The following AGBL1 variants were observed in gnomAD, a reference collection of about 807,000 sequenced individuals.
The protein encoded by AGBL1 is cytosolic carboxypeptidase 4.
Under a neutral mutation model 118.9 loss-of-function variants are expected in AGBL1, and 130 were observed. The ratio of observed to expected loss-of-function variants is 1.09; its 90% CI spans 0.95 to 1.26. The LOEUF (loss-of-function observed/expected upper bound fraction) is 1.26, where lower values mean the gene tolerates loss of function less well. AGBL1 is among the 50% of genes most tolerant of loss of function. AGBL1 has a pLI of 0.00. For synonymous variants in AGBL1, 555 were observed against 478.9 expected (o/e 1.16, Z -2.08); for missense variants, 1,584 against 1,298.1 (o/e 1.22, Z -3.38).
chr15:86,367,950 T>C (rs975012956), intron 17 of AGBL1, among the ~76,000 whole-genome samples: 2 of 152,144 alleles, frequency 1.3e-5, no homozygotes, highest in South Asian at 4.1e-4. Flanking sequence ...AGGCTATTTC[T>C]GCTAAAACTA....
Position 86,264,124 on chromosome 15 carries a change from TGAC to T in AGBL1, c.1087-133_1087-131del, listed in dbSNP as rs1464413273. 6 of 744,766 alleles carry T rather than the reference TGAC, an allele frequency of 8.1e-6. No homozygotes were observed. The Admixed American group carries it at 9.0e-5, about 11-fold the overall frequency. The allele number at this position is 744,766 out of a possible 1,614,324, so 46.1% of individuals were successfully genotyped here. A position where few individuals can be genotyped will look rare whatever the true frequency, so the allele number is the denominator to read the frequency against. On this transcript the variant is annotated intron_variant, in intron 10 of 22. Transcript: ENST00000614907. ...TGACTCTTGAAGGTTAGTCTTTAGT[TGAC>T]CTTGGAAAAAGCTTCCACATTCACA...
In AGBL1 at chr15:87,001,665, C is replaced by T. The variant is rs192948757; in HGVS notation, c.3323+13577C>T. 4.3e-3 allele frequency among the ~76,000 whole-genome samples: 660 copies of T among 152,026 alleles called. 5 individuals are homozygous for T. Among genetic ancestry groups the T allele is most frequent in the Middle Eastern group, 0.014 (4 of 294 alleles). On this transcript the variant is annotated intron_variant, in intron 24 of 24. Coordinates refer to the AGBL1 transcript ENST00000441037. ...TGTTGTTTCCTGACTTTTTAATGATCGCCATTCTAACTGGTGGGAGATGAT... is the reference window on the plus strand; with the variant it reads ...TGTTGTTTCCTGACTTTTTAATGATTGCCATTCTAACTGGTGGGAGATGAT...
chr15:86,257,533 C>T (rs1355365401), intron 8 of AGBL1, among the ~76,000 whole-genome samples: 2 of 152,174 alleles, frequency 1.3e-5, no homozygotes, highest in African/African-American at 2.4e-5. Flanking sequence ...GTACAAGATG[C>T]CTTCTATGGA....
chr15:86,480,753 A>G (rs138984696), intron 18 of AGBL1, among the ~76,000 whole-genome samples: 277 of 152,166 alleles, frequency 1.8e-3, no homozygotes, highest in Non-Finnish European at 3.2e-3. Flanking sequence ...TATGGCAAAG[A>G]GATTGCCCTC....
intron 22 of AGBL1, among the ~76,000 whole-genome samples, chr15:86,760,738 A>G (rs1334582290): frequency 6.6e-6 from 1 of 152,068 alleles, no homozygotes; most frequent in Non-Finnish European, 1.5e-5. Flanking sequence ...CTTCATTATC[A>G]TAACTTCCTG....
rs908463226 is a variant in AGBL1, at chr15:86,912,756, G to C, written c.*5462G>C. 1 of 151,890 alleles carries C rather than the reference G, an allele frequency of 6.6e-6. No homozygotes were observed. Among genetic ancestry groups the C allele is most frequent in the African/African-American group, 2.4e-5 (1 of 41,396 alleles). 9.4% of individuals were successfully genotyped at this position (151,890 alleles called of 1,614,324 possible). Reference sequence around the variant, plus strand: ...ATCCTTGTTAGGGCCACAGAAGAATGACTCGCATGGTGGATCTCAGCATTT... The same window carrying C: ...ATCCTTGTTAGGGCCACAGAAGAATCACTCGCATGGTGGATCTCAGCATTT... On this transcript the variant is annotated 3_prime_UTR_variant, in exon 23 of 23. Coordinates refer to ENST00000614907, the MANE Select transcript of AGBL1 (RefSeq NM_001386094.1).
intron 21 of AGBL1, among the ~76,000 whole-genome samples, chr15:86,660,748 T>C (rs1167458484): frequency 6.6e-6 from 1 of 152,150 alleles, no homozygotes; most frequent in East Asian, 1.9e-4. Flanking sequence ...TATATGGCTT[T>C]TGGTCAGATA....
intron 7 of AGBL1, among the ~76,000 whole-genome samples, chr15:86,253,136 G>A (rs771131905): frequency 6.6e-6 from 1 of 152,194 alleles, no homozygotes; most frequent in African/African-American, 2.4e-5. Context: ...ACATGGCAGA[G>A]CATTGTGAGT....
chr15:86,739,443 CAAAA>C (rs34530266), intron 22 of AGBL1, among the ~76,000 whole-genome samples: 2 of 66,638 alleles, frequency 3.0e-5, no homozygotes, highest in Non-Finnish European at 2.5e-5. Flanking sequence ...AACTCCATCT[CAAAA>C]AAAAAAAAAA....
intron 1 of AGBL1, among the ~76,000 whole-genome samples, chr15:86,125,990 A>T (rs886648200): frequency 4.6e-5 from 7 of 152,076 alleles, no homozygotes; most frequent in African/African-American, 1.7e-4. Flanking sequence ...ATGACCTATG[A>T]AAATTGTGAC....
At chr15:87,029,225 C>A (rs1439541652), downstream of AGBL1, among the ~76,000 whole-genome samples, 1 of 151,878 alleles carries the variant, frequency 6.6e-6, no homozygotes, top group Non-Finnish European at 1.5e-5. Flanking sequence ...GAAATAGTGC[C>A]TCTTTTTTCG....
chr15:86,683,252 T>G (rs1335324071), intron 22 of AGBL1, among the ~76,000 whole-genome samples: 1 of 152,164 alleles, frequency 6.6e-6, no homozygotes, highest in Non-Finnish European at 1.5e-5. Flanking sequence ...TCTGGGTAAG[T>G]TTTAAAACTC....
chr15:86,418,504 A>G (rs1033177312), intron 18 of AGBL1, among the ~76,000 whole-genome samples: 1 of 152,194 alleles, frequency 6.6e-6, no homozygotes, highest in Non-Finnish European at 1.5e-5. Context: ...TCCTTTCCTA[A>G]GAGACCCCAT....
At chr15:86,317,310 G>C (rs925872611) in intron 17 of AGBL1, 1 of 152,176 alleles carries the variant, frequency 6.6e-6, no homozygotes, top group Non-Finnish European at 1.5e-5. Context: ...GAGAGCAGAT[G>C]GGCTTTTGTA....
chr15:86,420,281 T>A (rs1230279532), intron 18 of AGBL1, among the ~76,000 whole-genome samples: 1 of 152,076 alleles, frequency 6.6e-6, no homozygotes, highest in African/African-American at 2.4e-5. Context: ...CAGGCAGCAA[T>A]CTTTGCTGTT....
chr15:86,184,465 C>T (rs2077600191), intron 5 of AGBL1, among the ~76,000 whole-genome samples: 1 of 144,876 alleles, frequency 6.9e-6, no homozygotes, highest in Non-Finnish European at 1.5e-5. Context: ...AGAGGGCAAA[C>T]AGCTTAAAAA....
At chr15:86,398,013 C>T (rs886730041) in intron 18 of AGBL1, among the ~76,000 whole-genome samples, 8 of 152,102 alleles carry the variant, frequency 5.3e-5, no homozygotes, top group African/African-American at 1.7e-4. Context: ...CAGAGTAAGA[C>T]CAATGCTTTT....
chr15:86,617,026 T>G (rs1045092634), intron 21 of AGBL1, among the ~76,000 whole-genome samples: 1 of 152,214 alleles, frequency 6.6e-6, no homozygotes, highest in East Asian at 1.9e-4. Flanking sequence ...ATTTCCAGTT[T>G]AAATGTTATC....
intron 5 of AGBL1, among the ~76,000 whole-genome samples, chr15:86,170,255 G>C (rs1230359792): frequency 6.6e-6 from 1 of 152,152 alleles, no homozygotes; most frequent in African/African-American, 2.4e-5. Context: ...AAGAAAATTA[G>C]ATGTGGCAGA....
Sources: allele counts gnomAD v4.1 joint callset (sites outside exome capture counted in the v4.1 genomes callset), GRCh38; gene constraint gnomAD v4.1.1; transcripts MANE v1.5; gene names NCBI Gene and HGNC (gene_info 2026-07-23, HGNC 2026-07-21).